FNDC3A: variants seen among roughly 807,000 people sequenced by gnomAD.
FNDC3A encodes fibronectin type III domain containing 3A.
Under a neutral mutation model 148.9 loss-of-function variants are expected in FNDC3A, and 32 were observed. The ratio of observed to expected loss-of-function variants is 0.21; its 90% CI spans 0.16 to 0.29. The LOEUF is 0.29. Ranked by LOEUF, FNDC3A falls within the 10% of genes least tolerant of loss-of-function variation. FNDC3A has a pLI of 1.00. For missense variants in FNDC3A, 1,191 were observed against 1,452.8 expected, an observed-to-expected ratio of 0.82 and a Z score of 2.93; for synonymous variants, 472 against 473.6, an observed-to-expected ratio of 1.00 and a Z score of 0.04.
Position 49,019,462 on chromosome 13 carries a change from C to T in FNDC3A, c.99+13173C>T, listed in dbSNP as rs184897935. ...GGCAATGCCTCGCCCTGCTTCGGCT[C>T]ACGCAGGGTGCGCGCACCCACTGAC... On this transcript the variant is annotated intron_variant, in intron 2 of 25. Coordinates refer to ENST00000492622, the MANE Select transcript of FNDC3A (RefSeq NM_001079673.2). 9.1e-3 allele frequency among the ~76,000 whole-genome samples: 1,391 copies of T among 152,328 alleles called. 13 individuals carry two copies. The highest frequency in any genetic ancestry group is 0.022 in the African/African-American group (902 of 41,576).
intron 1 of FNDC3A, among the ~76,000 whole-genome samples, chr13:48,984,103 C>G (rs1349990283): frequency 2.0e-5 from 3 of 152,100 alleles, no homozygotes; most frequent in Admixed American, 6.5e-5. Context: ...CTATGAAATA[C>G]AGTAATAAGA....
chr13:49,153,692 TGTATAAG>T (rs1883467828), intron 8 of FNDC3A, among the ~76,000 whole-genome samples: 1 of 145,542 alleles, frequency 6.9e-6, no homozygotes, highest in Non-Finnish European at 1.5e-5. Context: ...AATTGATTTT[TGTATAAG>T]GTGTAAGGAA....
At chr13:49,193,418 A>G (rs141925413) in intron 19 of FNDC3A, among the ~76,000 whole-genome samples, 97 of 152,104 alleles carry the variant, frequency 6.4e-4, no homozygotes, top group African/African-American at 2.0e-3. Context: ...ACACCACCAT[A>G]CCAGGCTGAT....
intron 5 of FNDC3A, 152 bp downstream of exon 5, chr13:49,131,526 C>T: frequency 3.1e-6 from 2 of 648,714 alleles, no homozygotes; most frequent in South Asian, 1.8e-5. Flanking sequence ...TTAGGTGCTT[C>T]ATCCTCATGA....
At chr13:49,197,411 A>G (rs1298959868) in intron 20 of FNDC3A, among the ~76,000 whole-genome samples, 2 of 150,968 alleles carry the variant, frequency 1.3e-5, no homozygotes, top group African/African-American at 4.8e-5. Context: ...ATTTAACAAA[A>G]TGTGTGTATG....
chr13:48,986,824 C>T (rs956032975), intron 1 of FNDC3A, among the ~76,000 whole-genome samples: 1 of 152,164 alleles, frequency 6.6e-6, no homozygotes, highest in African/African-American at 2.4e-5. Flanking sequence ...TTAAGGACTA[C>T]TGGATTCTGC....
chr13:49,092,450 T>TAGGTATTAG (rs1354322311), intron 3 of FNDC3A, among the ~76,000 whole-genome samples: 1 of 152,212 alleles, frequency 6.6e-6, no homozygotes, highest in Admixed American at 6.5e-5. Flanking sequence ...CTAGCGGTAT[T>TAGGTATTAG]GGCAGCTGAT....
intron 2 of FNDC3A, among the ~76,000 whole-genome samples, chr13:49,035,312 CA>C (rs1874414702): frequency 6.6e-6 from 1 of 151,918 alleles, no homozygotes; most frequent in Non-Finnish European, 1.5e-5. Context: ...TCCTTAGTTG[CA>C]TATGTATACA....
intron 1 of FNDC3A, among the ~76,000 whole-genome samples, chr13:48,996,472 C>A (rs1046385674): frequency 1.3e-5 from 2 of 151,960 alleles, no homozygotes; most frequent in African/African-American, 4.8e-5. Context: ...TTCATTATTC[C>A]CTAAACAATA....
In FNDC3A at chr13:49,197,825, A is replaced by G. The variant is rs1417359970; in HGVS notation, c.2441A>G (p.Tyr814Cys). The G allele has an allele frequency of 3.1e-6, 5 of 1,608,964 alleles. No homozygotes were observed. The highest frequency in any genetic ancestry group is 3.4e-6 in the Non-Finnish European group (4 of 1,178,898). ...TGTTACTGTGGGCCTGGTCTCAGTT[A>G]TGAAATAAAAGGACTTTCACCAGCA... ...QICYCGPGLSYEIKGLSPATT... is the reference protein window; with the variant it reads ...QICYCGPGLSCEIKGLSPATT... Residue 814 changes from tyrosine (Y) to cysteine (C), a missense_variant, in exon 21 of 26, where the codon TAT (tyrosine) becomes TGT (cysteine). Coordinates refer to ENST00000492622, the MANE Select transcript of FNDC3A (RefSeq NM_001079673.2).
At chr13:49,187,648 C>T in intron 16 of FNDC3A, 1 of 1,598,256 alleles carries the variant, frequency 6.3e-7, no homozygotes, top group Non-Finnish European at 8.6e-7. Flanking sequence ...GGTTGTGAAC[C>T]TCCGGATGCT....
chr13:49,179,187 T>G (rs1885181964), intron 14 of FNDC3A, among the ~76,000 whole-genome samples: 1 of 152,152 alleles, frequency 6.6e-6, no homozygotes, highest in South Asian at 2.1e-4. Context: ...TGGCTCTTAT[T>G]TGTGTAATGT....
At chr13:49,145,754 C>T (rs771737432) in intron 7 of FNDC3A, 24 bp from the exon 8 acceptor site, 2 of 1,607,652 alleles carry the variant, frequency 1.2e-6, no homozygotes, top group African/African-American at 1.3e-5. Flanking sequence ...TTTTAAAGAA[C>T]TTTTAAATGT....
At chr13:48,978,105 G>C (rs958279779) in intron 1 of FNDC3A, among the ~76,000 whole-genome samples, 1 of 151,696 alleles carries the variant, frequency 6.6e-6, no homozygotes, top group African/African-American at 2.4e-5. Context: ...TCTTCTTTTG[G>C]TGACGTCTGT....
chr13:49,180,161 T>G (rs1885232067), intron 14 of FNDC3A, among the ~76,000 whole-genome samples: 1 of 152,218 alleles, frequency 6.6e-6, no homozygotes, highest in African/African-American at 2.4e-5. Context: ...AGTTTTCCCC[T>G]GTCCTTATTT....
chr13:49,079,242 T>C (rs548036687), intron 3 of FNDC3A, among the ~76,000 whole-genome samples: 1 of 152,328 alleles, frequency 6.6e-6, no homozygotes, highest in African/African-American at 2.4e-5. Flanking sequence ...TTTCTAAGTA[T>C]CTACTGAGGT....
chr13:49,099,756 C>T (rs886559374), intron 3 of FNDC3A, among the ~76,000 whole-genome samples: 1 of 151,918 alleles, frequency 6.6e-6, no homozygotes, highest in African/African-American at 2.4e-5. Flanking sequence ...TTTTATAGTA[C>T]TTAATATTGT....
At chr13:49,040,302 T>C (rs1874826767) in intron 2 of FNDC3A, among the ~76,000 whole-genome samples, 1 of 152,240 alleles carries the variant, frequency 6.6e-6, no homozygotes, top group African/African-American at 2.4e-5. Context: ...AAAGTTGGAC[T>C]GTTGGCATAT....
At chr13:49,180,493 A>G (rs1052210333) in intron 14 of FNDC3A, among the ~76,000 whole-genome samples, 1 of 152,182 alleles carries the variant, frequency 6.6e-6, no homozygotes, top group Non-Finnish European at 1.5e-5. Flanking sequence ...GATTTATAAA[A>G]TACCTGAGAA....
Sources: allele counts gnomAD v4.1 joint callset (sites outside exome capture counted in the v4.1 genomes callset), GRCh38; gene constraint gnomAD v4.1.1; transcripts MANE v1.5; gene names NCBI Gene and HGNC (gene_info 2026-07-23, HGNC 2026-07-21).